The following GPC6 variants were observed in gnomAD, a reference collection of about 807,000 sequenced individuals.
GPC6 encodes the protein glypican-6.
GPC6 carries 14 observed loss-of-function variants against 55.2 expected under a neutral mutation model. The observed-to-expected ratio is 0.25, with a 90% CI of 0.17 to 0.40. GPC6 has a LOEUF of 0.40. Among genes scored for constraint, GPC6 ranks in the 10% least tolerant of loss-of-function variants. The pLI is 1.00. For missense variants in GPC6, 641 were observed against 708.5 expected (o/e 0.90, Z 1.08); for synonymous variants, 278 against 259.6 (o/e 1.07, Z -0.68).
intron 1 of GPC6, among the ~76,000 whole-genome samples, chr13:93,271,481 A>G (rs1425780562): frequency 6.6e-6 from 1 of 152,100 alleles, no homozygotes; most frequent in African/African-American, 2.4e-5. Context: ...ACCCTAAGAC[A>G]GTTGATAAAA....
chr13:93,766,843 G>A (rs2138886087), intron 2 of GPC6, among the ~76,000 whole-genome samples: 1 of 152,110 alleles, frequency 6.6e-6, no homozygotes, highest in South Asian at 2.1e-4. Flanking sequence ...ATCTCCTTAA[G>A]CTTAGCTTAA....
chr13:94,345,979 C>T (rs1268891330), intron 6 of GPC6, among the ~76,000 whole-genome samples: 1 of 152,100 alleles, frequency 6.6e-6, no homozygotes, highest in Non-Finnish European at 1.5e-5. Context: ...AGAAGCTTCT[C>T]TAAGCTTCTA....
chr13:93,444,013 T>C (rs372044196), intron 1 of GPC6, among the ~76,000 whole-genome samples: 1 of 152,118 alleles, frequency 6.6e-6, no homozygotes, highest in Admixed American at 6.6e-5. Flanking sequence ...TCCATGACCA[T>C]AGAGAATCAA....
chr13:93,537,533 A>G (rs527974962), intron 1 of GPC6, among the ~76,000 whole-genome samples: 19 of 146,698 alleles, frequency 1.3e-4, no homozygotes, highest in African/African-American at 3.9e-4. Flanking sequence ...TTATCTAGTC[A>G]TTTTGTGTGT....
intron 1 of GPC6, among the ~76,000 whole-genome samples, chr13:93,343,650 A>T (rs1275023588): frequency 6.6e-6 from 1 of 152,136 alleles, no homozygotes; most frequent in East Asian, 1.9e-4. Flanking sequence ...GCATATGAAG[A>T]CCCTTTTAAT....
intron 4 of GPC6, among the ~76,000 whole-genome samples, chr13:94,056,293 G>A (rs189536080): frequency 1.3e-5 from 2 of 151,660 alleles, no homozygotes; most frequent in East Asian, 3.9e-4. Flanking sequence ...TTTCTTTAAG[G>A]TCTAACTTCT....
intron 2 of GPC6, among the ~76,000 whole-genome samples, chr13:93,546,333 A>C (rs1464664790): frequency 6.6e-6 from 1 of 152,258 alleles, no homozygotes; most frequent in African/African-American, 2.4e-5. Flanking sequence ...AGGTTGGCCA[A>C]AGTTTTTATG....
Position 93,227,266 on chromosome 13 carries a change from A to C in GPC6, c.-191A>C. On this transcript the variant is annotated 5_prime_UTR_variant, in exon 1 of 9. Transcript: ENST00000377047. The surrounding 1 kb of genome is among the most constrained non-coding windows in gnomAD (Gnocchi z 4.3). Reference sequence around the variant, plus strand: ...AGCCCTTGTTGGCTTGCCATCGTCCATCTGGCTTATAAAAGTTTGCTGAGC... The same window carrying C: ...AGCCCTTGTTGGCTTGCCATCGTCCCTCTGGCTTATAAAAGTTTGCTGAGC... 1 of 527,228 alleles carries C rather than the reference A, an allele frequency of 1.9e-6. No homozygotes were observed. Among genetic ancestry groups the C allele is most frequent in the Non-Finnish European group, 3.4e-6 (1 of 295,882 alleles). 32.7% of individuals were successfully genotyped at this position (527,228 alleles called of 1,614,324 possible).
chr13:94,031,017 C>T (rs924881114), intron 4 of GPC6, among the ~76,000 whole-genome samples: 6 of 151,244 alleles, frequency 4.0e-5, no homozygotes, highest in African/African-American at 9.7e-5. Flanking sequence ...GGTGTGTGTG[C>T]GTGTGTGCAT....
At chr13:93,311,963 A>G (rs1038677118) in intron 1 of GPC6, among the ~76,000 whole-genome samples, 1 of 152,202 alleles carries the variant, frequency 6.6e-6, no homozygotes, top group Non-Finnish European at 1.5e-5. Context: ...GAAAGAAGCT[A>G]AAGAGAAAAT....
chr13:93,227,174 C>T lies in GPC6; in HGVS notation c.-283C>T, dbSNP rs1875816579. ...TTTTTTAAACACTTCTTTTCCTTCT[C>T]TTCCTCGTTTTGATTGCACCGTTTC... On this transcript the variant is annotated 5_prime_UTR_variant, in exon 1 of 9. Transcript: ENST00000377047. This position sits in a 1 kb window ranked among gnomAD's most constrained non-coding sequence, Gnocchi z 4.3. 6.1e-6 allele frequency: 2 copies of T among 329,542 alleles called. No individual in the cohort carries two copies. The highest frequency in any genetic ancestry group is 2.1e-5 in the African/African-American group (1 of 47,304). 20.4% of individuals were successfully genotyped at this position (329,542 alleles called of 1,614,324 possible).
At chr13:94,138,292 G>A (rs1887257526) in intron 4 of GPC6, among the ~76,000 whole-genome samples, 1 of 152,132 alleles carries the variant, frequency 6.6e-6, no homozygotes, top group Non-Finnish European at 1.5e-5. Context: ...TCAGATAAGG[G>A]ATATTCAAAC....
At chr13:93,503,433 G>A (rs1334419085) in intron 1 of GPC6, among the ~76,000 whole-genome samples, 2 of 152,142 alleles carry the variant, frequency 1.3e-5, no homozygotes, top group Non-Finnish European at 2.9e-5. Flanking sequence ...TCGCTGCAGG[G>A]ATAGCAGTTA....
At chr13:93,782,302 A>G (rs978139056) in intron 2 of GPC6, among the ~76,000 whole-genome samples, 7 of 152,126 alleles carry the variant, frequency 4.6e-5, no homozygotes, top group Non-Finnish European at 7.4e-5. Flanking sequence ...CATTTTCTAT[A>G]TATATCACAT....
intron 3 of GPC6, among the ~76,000 whole-genome samples, chr13:94,009,181 A>C (rs1027442325): frequency 1.3e-5 from 2 of 152,180 alleles, no homozygotes; most frequent in African/African-American, 4.8e-5. Context: ...TAGGTGAATA[A>C]ATCTTTGGAT....
At chr13:93,452,103 A>G (rs981620046) in intron 1 of GPC6, among the ~76,000 whole-genome samples, 1 of 152,218 alleles carries the variant, frequency 6.6e-6, no homozygotes, top group African/African-American at 2.4e-5. Flanking sequence ...TAGTGAGGTG[A>G]TGCTATGTGC....
Position 94,306,068 on chromosome 13 carries a change from C to T in GPC6, c.1097C>T (p.Pro366Leu). Residue 366 changes from proline (P) to leucine (L), a missense_variant, in exon 6 of 9, where the codon CCC becomes CTC. Transcript: ENST00000377047. ...GAAAATTTTAATACACGTTTCAGGC[C>T]CTACAATCCTGAGGAAAGACCAACA... ...APENFNTRFR[P>L]YNPEERPTTA... 6.2e-7 allele frequency: 1 copy of T among 1,614,082 alleles called. No homozygotes were observed. The highest frequency in any genetic ancestry group is 8.5e-7 in the Non-Finnish European group (1 of 1,179,972).
At chr13:93,242,667 C>G (rs967018989) in intron 1 of GPC6, among the ~76,000 whole-genome samples, 1 of 152,082 alleles carries the variant, frequency 6.6e-6, no homozygotes, top group African/African-American at 2.4e-5. Context: ...AGCACTGTGC[C>G]CATCCCTCTG....
At chr13:93,344,336 C>G (rs1026773603) in intron 1 of GPC6, among the ~76,000 whole-genome samples, 2 of 152,196 alleles carry the variant, frequency 1.3e-5, no homozygotes, top group East Asian at 3.9e-4. Flanking sequence ...TCCAGAGAAC[C>G]TAGTAGACTT....
Sources: gnomAD v4.1 joint callset for allele counts (sites outside exome capture counted in the v4.1 genomes callset) on GRCh38, gnomAD v4.1.1 for gene constraint, Gnocchi (gnomAD v3.1) non-coding constraint, MANE v1.5 for transcripts, NCBI Gene and HGNC (gene_info 2026-07-23, HGNC 2026-07-21) for gene names.